Variants in MSR1 observed in about 807,000 individuals in gnomAD.
MSR1 encodes the protein macrophage scavenger receptor 1, also known as macrophage scavenger receptor types I and II.
Under a neutral mutation model 47.2 loss-of-function variants are expected in MSR1, and 53 were observed. The observed-to-expected ratio is 1.12, with a 90% CI of 0.90 to 1.41. The LOEUF (loss-of-function observed/expected upper bound fraction) is 1.41. MSR1 is among the 40% of genes most tolerant of loss of function. The pLI is 0.00. For synonymous variants in MSR1, 239 were observed against 185.6 expected (o/e 1.29, Z -2.34); for missense variants, 786 against 546.9 (o/e 1.44, Z -4.36).
At chr8:16,121,214 G>A (rs1016333095) in intron 8 of MSR1, 4 of 400,372 alleles carry the variant, frequency 1.0e-5, no homozygotes, top group East Asian at 1.6e-4. Context: ...TTCCTCTTTA[G>A]AAAAAAATAT....
chr8:16,178,051 C>T, intron 1 of MSR1, 59 bp from the exon 2 acceptor site: 1 of 1,328,994 alleles, frequency 7.5e-7, no homozygotes. Flanking sequence ...GGCTCTTTTG[C>T]ATAATGTTTT....
intron 8 of MSR1, among the ~76,000 whole-genome samples, chr8:16,127,751 T>C (rs1262651942): frequency 6.6e-6 from 1 of 152,198 alleles, no homozygotes; most frequent in East Asian, 1.9e-4. Context: ...GATCCTGCTA[T>C]GCCTGAAGCC....
chr8:16,168,410 G>C (rs1421212971), intron 4 of MSR1, 48 bp downstream of exon 4: 4 of 1,601,876 alleles, frequency 2.5e-6, no homozygotes, highest in Non-Finnish European at 2.6e-6. Flanking sequence ...GACGAGACTT[G>C]GATGGATTCA....
chr8:16,181,208 C>A (rs151149948), intron 1 of MSR1, among the ~76,000 whole-genome samples: 1 of 152,074 alleles, frequency 6.6e-6, no homozygotes, highest in African/African-American at 2.4e-5. Context: ...TGGGAATATA[C>A]GCAGTAATGT....
chr8:16,189,441 A>C lies in MSR1; in HGVS notation c.-5+3157T>G, dbSNP rs1448295877. 2.1e-5 allele frequency among the ~76,000 whole-genome samples: 2 copies of C among 93,518 alleles called. 1 individual carries two copies. The highest frequency in any genetic ancestry group is 5.6e-4 in the East Asian group (2 of 3,594). 61.4% of individuals were successfully genotyped at this position (93,518 alleles called of 152,430 possible). A position where few individuals can be genotyped will look rare whatever the true frequency, so the allele number is the denominator to read the frequency against. ...TTATATATATAAAATCATATTTTAT[A>C]TATATAAAATCTTATTTTATATATA... On this transcript the variant is annotated intron_variant, in intron 1 of 9. Coordinates refer to ENST00000262101, the MANE Select transcript of MSR1 (RefSeq NM_138715.3).
intron 8 of MSR1, among the ~76,000 whole-genome samples, chr8:16,132,155 G>C (rs1285025270): frequency 2.0e-5 from 3 of 151,754 alleles, no homozygotes; most frequent in African/African-American, 7.3e-5. Flanking sequence ...GTGTCATCTA[G>C]GATTTCTTTG....
chr8:16,172,957 C>A (rs866195623), intron 3 of MSR1, among the ~76,000 whole-genome samples: 9 of 152,064 alleles, frequency 5.9e-5, no homozygotes, highest in Middle Eastern at 3.4e-3. Context: ...ATATATATTG[C>A]TTTTTAGTTT....
At chr8:16,174,645 A>C (rs1801587037) in intron 3 of MSR1, among the ~76,000 whole-genome samples, 1 of 152,172 alleles carries the variant, frequency 6.6e-6, no homozygotes, top group African/African-American at 2.4e-5. Flanking sequence ...CCCTATGAAA[A>C]ATGTGGTCAT....
chr8:16,110,737 A>T lies in MSR1; in HGVS notation c.1223-519T>A, dbSNP rs937042555. On this transcript the variant is annotated intron_variant, in intron 9 of 9. Transcript: ENST00000262101. ...GTGTGCCTGGTTTATCAAATACATTATCTGTTTTTAATTAAAGTAGAACTA... is the reference window on the plus strand; with the variant it reads ...GTGTGCCTGGTTTATCAAATACATTTTCTGTTTTTAATTAAAGTAGAACTA... 3.9e-5 allele frequency among the ~76,000 whole-genome samples: 6 copies of T among 152,140 alleles called. No homozygotes were observed. The East Asian group carries it at 5.8e-4, about 15-fold the overall frequency.
At chr8:16,134,775 A>C (rs1340622732) in intron 8 of MSR1, among the ~76,000 whole-genome samples, 1 of 152,216 alleles carries the variant, frequency 6.6e-6, no homozygotes, top group African/African-American at 2.4e-5. Flanking sequence ...AGTTCTTGAA[A>C]GCAATTAAAA....
chr8:16,187,099 C>A (rs1802023935), intron 1 of MSR1, among the ~76,000 whole-genome samples: 3 of 151,806 alleles, frequency 2.0e-5, no homozygotes, highest in African/African-American at 7.3e-5. Context: ...AAAAAGCAGA[C>A]CACCTGTAAT....
intron 8 of MSR1, among the ~76,000 whole-genome samples, chr8:16,136,795 G>C (rs140120290): frequency 8.5e-4 from 129 of 152,138 alleles, no homozygotes; most frequent in Middle Eastern, 3.4e-3. Context: ...TAGAGACAGG[G>C]TTTCACCATG....
At position 16,167,047 on chromosome 8, in the gene MSR1, C is replaced by G. The variant is rs547754053; in HGVS notation, c.630+1411G>C. On this transcript the variant is annotated intron_variant, in intron 4 of 9. Coordinates refer to ENST00000262101, the MANE Select transcript of MSR1 (RefSeq NM_138715.3). ...TTTAAAGATGTATATAGCTTTCAAA[C>G]TTTCACCATTCCCTTGCATTTCCTT... Among the ~76,000 whole-genome samples the G allele has an allele frequency of 3.9e-5, 6 of 152,208 alleles. No individual in the cohort carries two copies. In the East Asian group the frequency reaches 9.7e-4, roughly 25 times the overall value.
intron 1 of MSR1, chr8:16,186,326 G>T: frequency 1.3e-6 from 1 of 790,182 alleles, no homozygotes; most frequent in Non-Finnish European, 2.0e-6. Flanking sequence ...CTCCCTTGGT[G>T]ATCTCACTAG....
chr8:16,162,206 C>T (rs1439382637), intron 5 of MSR1, among the ~76,000 whole-genome samples: 3 of 151,844 alleles, frequency 2.0e-5, no homozygotes, highest in African/African-American at 7.3e-5. Context: ...ATTTTAAGAG[C>T]CACAAGAAAA....
intron 1 of MSR1, among the ~76,000 whole-genome samples, chr8:16,189,483 T>TAC (rs1348909524): frequency 2.0e-5 from 2 of 99,046 alleles, no homozygotes; most frequent in Non-Finnish European, 3.5e-5. Flanking sequence ...ATATTTTATA[T>TAC]ATAAAATCTT....
At chr8:16,168,014 A>G (rs1303526779) in intron 4 of MSR1, among the ~76,000 whole-genome samples, 1 of 152,176 alleles carries the variant, frequency 6.6e-6, no homozygotes, top group Non-Finnish European at 1.5e-5. Flanking sequence ...TTGTCTTCTG[A>G]CACCTTAAGG....
chr8:16,191,435 T>C (rs939458477), intron 1 of MSR1, among the ~76,000 whole-genome samples: 5 of 152,192 alleles, frequency 3.3e-5, no homozygotes, highest in African/African-American at 1.2e-4. Context: ...TAAAGAATTA[T>C]TGCGAGAATT....
chr8:16,168,387 T>C lies in MSR1; in HGVS notation c.630+71A>G. On this transcript the variant is annotated intron_variant, in intron 4 of 9. Coordinates refer to ENST00000262101, the MANE Select transcript of MSR1 (RefSeq NM_138715.3). The stretch of plus-strand genomic sequence containing the variant: ...AGGGTTTGCAACTTTTGCTTTCCTG[T>C]ACTGCCTAAGGAGACGAGACTTGGA... The C allele has an allele frequency of 5.8e-6, 9 of 1,542,378 alleles. No homozygotes were observed. The South Asian group carries it at 9.1e-5, about 16-fold the overall frequency.
Sources: gnomAD v4.1 joint callset for allele counts (sites outside exome capture counted in the v4.1 genomes callset) on GRCh38, gnomAD v4.1.1 for gene constraint, MANE v1.5 for transcripts, NCBI Gene and HGNC (gene_info 2026-07-23, HGNC 2026-07-21) for gene names.